CACNA1A: variants seen among roughly 807,000 people sequenced by gnomAD.
CACNA1A encodes calcium voltage-gated channel subunit alpha1 A.
Under a neutral mutation model 262.4 loss-of-function variants are expected in CACNA1A, and 57 were observed. That is an observed-to-expected ratio of 0.22 (90% confidence interval 0.18 to 0.27). The LOEUF (loss-of-function observed/expected upper bound fraction) is 0.27, where lower values mean the gene tolerates loss of function less well. Ranked by LOEUF, CACNA1A falls within the 10% of genes least tolerant of loss-of-function variation. CACNA1A has a pLI of 1.00. For synonymous variants in CACNA1A, 1,431 were observed against 1,419.3 expected (o/e 1.01, Z -0.18); for missense variants, 2,526 against 3,562.8 (o/e 0.71, Z 7.41).
Position 13,230,189 on chromosome 19 carries a change from G to C in CACNA1A, c.5421C>G (p.Ala1807=). Residue 1807 remains alanine (A), a synonymous_variant, in exon 36 of 47, where the codon GCC becomes GCG. Transcript: ENST00000360228. ...GGTACTCAAAGTTGTCCATGATGAC[G>C]GCGACAAAGAGATTCAGCATCTGTG... ...CSFLMLNLFV[A]VIMDNFEYLT... is the part of the protein sequence containing the mutation. 1 of 1,613,874 alleles carries C rather than the reference G, an allele frequency of 6.2e-7. No homozygotes were observed. Among genetic ancestry groups the C allele is most frequent in the East Asian group, 2.2e-5 (1 of 44,874 alleles).
At chr19:13,253,686 C>T (rs2056464696) in intron 29 of CACNA1A, among the ~76,000 whole-genome samples, 4 of 151,800 alleles carry the variant, frequency 2.6e-5, no homozygotes, top group South Asian at 4.2e-4. Context: ...ACCTTGTGAT[C>T]GCCCTCCTCG....
chr19:13,309,624 T>C (rs2057976684), intron 12 of CACNA1A, among the ~76,000 whole-genome samples: 1 of 151,762 alleles, frequency 6.6e-6, no homozygotes, highest in Non-Finnish European at 1.5e-5. Context: ...GCCTAGGAAT[T>C]TGAGACAGGA....
rs183932379 is a variant in CACNA1A, at chr19:13,432,732, G to A, written c.539+20144C>T. Among the ~76,000 whole-genome samples, 7 of 152,168 alleles carry A rather than the reference G, an allele frequency of 4.6e-5. No homozygotes were observed. In the South Asian group the frequency reaches 6.2e-4, roughly 14 times the overall value. ...ATTGCTAAAAGAGTAGATTTTAAGC[G>A]TTCTCACCACAAAAAATAAGTATGC... On this transcript the variant is annotated intron_variant, in intron 3 of 46. Coordinates refer to ENST00000360228, the MANE Select transcript of CACNA1A (RefSeq NM_001127222.2).
chr19:13,457,254 AAAC>A (rs966141221), intron 1 of CACNA1A, among the ~76,000 whole-genome samples: 3 of 151,776 alleles, frequency 2.0e-5, no homozygotes, highest in African/African-American at 4.8e-5. Flanking sequence ...CCCTGTCTCA[AAAC>A]AACAACAACA....
At chr19:13,383,585 T>C (rs1375595694) in intron 3 of CACNA1A, among the ~76,000 whole-genome samples, 3 of 152,168 alleles carry the variant, frequency 2.0e-5, no homozygotes, top group South Asian at 2.1e-4. Flanking sequence ...TCCGACTTCC[T>C]TTCTGTTCTG....
chr19:13,372,182 G>C (rs2059334544), intron 3 of CACNA1A, among the ~76,000 whole-genome samples: 1 of 151,612 alleles, frequency 6.6e-6, no homozygotes, highest in African/African-American at 2.4e-5. Flanking sequence ...ATTTTTTTGA[G>C]ACAGAGTCTC....
intron 32 of CACNA1A, 48 bp from the exon 33 acceptor site, chr19:13,235,322 C>T (rs372735926): frequency 1.2e-4 from 179 of 1,494,570 alleles, no homozygotes; most frequent in Middle Eastern, 1.7e-4. Context: ...GTCCCTCAGC[C>T]GCACTGTCTT....
chr19:13,259,997 A>G, intron 26 of CACNA1A: 1 of 295,170 alleles, frequency 3.4e-6, no homozygotes, highest in Non-Finnish European at 6.5e-6. Context: ...TCAGGGTGAG[A>G]GCCTCAGGCT....
At chr19:13,223,312 T>A (rs1600111455) in intron 38 of CACNA1A, among the ~76,000 whole-genome samples, 1 of 152,034 alleles carries the variant, frequency 6.6e-6, no homozygotes, top group Non-Finnish European at 1.5e-5. Context: ...TTCTGCCTCA[T>A]CCTCCCTAGT....
intron 1 of CACNA1A, among the ~76,000 whole-genome samples, chr19:13,475,744 T>G (rs1451862250): frequency 6.6e-6 from 1 of 151,954 alleles, no homozygotes; most frequent in Non-Finnish European, 1.5e-5. Context: ...TAAATCTAGA[T>G]AGCAGTGAAG....
intron 8 of CACNA1A, chr19:13,333,755 C>T (rs1165670057): frequency 6.6e-6 from 1 of 152,310 alleles, no homozygotes; most frequent in Admixed American, 6.5e-5. Flanking sequence ...TCTGTTTTAT[C>T]TTCCTAGTCT....
At chr19:13,239,573 G>T (rs752273295) in intron 31 of CACNA1A, among the ~76,000 whole-genome samples, 1 of 152,318 alleles carries the variant, frequency 6.6e-6, no homozygotes, top group African/African-American at 2.4e-5. Context: ...GAATGCATGT[G>T]TATTGCCAGC....
At chr19:13,298,487 CTGT>C in intron 19 of CACNA1A, 54 bp downstream of exon 19, 2 of 1,420,214 alleles carry the variant, frequency 1.4e-6, no homozygotes, top group African/African-American at 1.5e-5. Flanking sequence ...GCTACTTTGG[CTGT>C]TGTCATTATT....
At chr19:13,211,946 TG>T (rs1330685024) in intron 43 of CACNA1A, 156 bp downstream of exon 43, 5 of 596,550 alleles carry the variant, frequency 8.4e-6, no homozygotes, top group Non-Finnish European at 1.5e-5. Context: ...GACCAGGTGG[TG>T]GGTGGGGCCT....
At chr19:13,274,353 C>T (rs1020114270) in intron 24 of CACNA1A, 2 of 152,146 alleles carry the variant, frequency 1.3e-5, no homozygotes, top group Non-Finnish European at 2.9e-5. Context: ...ACTATTTTGG[C>T]CCTCCTGACA....
chr19:13,266,114 G>C (rs2056855458), intron 24 of CACNA1A, among the ~76,000 whole-genome samples: 1 of 152,154 alleles, frequency 6.6e-6, no homozygotes, highest in Non-Finnish European at 1.5e-5. Context: ...AAAGTGCTGG[G>C]ATTATAGGTG....
At chr19:13,248,785 G>A (rs948759141) in intron 30 of CACNA1A, among the ~76,000 whole-genome samples, 3 of 151,438 alleles carry the variant, frequency 2.0e-5, no homozygotes, top group African/African-American at 7.3e-5. Flanking sequence ...AGAGGTTGCA[G>A]TGAGCCAAGA....
intron 36 of CACNA1A, 87 bp from the exon 37 acceptor site, chr19:13,227,614 G>T: frequency 1.9e-6 from 1 of 540,158 alleles, no homozygotes. Context: ...AAGAGAGGTG[G>T]GGAGAAACAG....
At chr19:13,271,848 C>G (rs2057028826) in intron 24 of CACNA1A, 1 of 150,860 alleles carries the variant, frequency 6.6e-6, no homozygotes, top group Non-Finnish European at 1.5e-5. Flanking sequence ...ACTGCAACCT[C>G]CACTTCCCAG....
Sources: allele counts gnomAD v4.1 joint callset (sites outside exome capture counted in the v4.1 genomes callset), GRCh38; gene constraint gnomAD v4.1.1; transcripts MANE v1.5; gene names NCBI Gene and HGNC (gene_info 2026-07-23, HGNC 2026-07-21).